The following KIF26B variants were observed in gnomAD, a reference collection of about 807,000 sequenced individuals.
KIF26B encodes the protein kinesin family member 26B, also known as kinesin-like protein KIF26B.
KIF26B carries 63 observed loss-of-function variants against 151.2 expected under a neutral mutation model. The ratio of observed to expected loss-of-function variants is 0.42; its 90% CI spans 0.34 to 0.51. KIF26B has a LOEUF of 0.51. Ranked by LOEUF, KIF26B falls within the 20% of genes least tolerant of loss-of-function variation. The probability of loss-of-function intolerance (pLI) is 0.07; values close to 1 mark genes in which losing one functional copy is unlikely to be tolerated. For missense variants in KIF26B, 2,813 were observed against 2,913.6 expected (o/e 0.97, Z 0.79); for synonymous variants, 1,357 against 1,262.1 (o/e 1.08, Z -1.59).
At chr1:245,410,102 G>A (rs1674238693) in intron 3 of KIF26B, among the ~76,000 whole-genome samples, 1 of 152,220 alleles carries the variant, frequency 6.6e-6, no homozygotes, top group African/African-American at 2.4e-5. Context: ...TAACCAAAGA[G>A]TTGGGTTTGT....
chr1:245,445,511 C>T (rs1659230443), intron 4 of KIF26B, among the ~76,000 whole-genome samples: 1 of 152,076 alleles, frequency 6.6e-6, no homozygotes, highest in Non-Finnish European at 1.5e-5. Context: ...TGCATGTGCG[C>T]ACGTGGGGGG....
In KIF26B at chr1:245,667,384, T is replaced by A. The variant is rs185223686; in HGVS notation, c.2259-16849T>A. Among the ~76,000 whole-genome samples, 187 of 152,096 alleles carry A rather than the reference T, an allele frequency of 1.2e-3. 1 individual carries two copies. Among genetic ancestry groups the A allele is most frequent in the African/African-American group, 4.3e-3 (179 of 41,482 alleles). ...AATAGAGATGGGGTTTCGCCATGTG[T>A]CCCAGGCTGGTCTCAAACTCCTGGA... is the stretch of plus-strand genomic sequence containing the variant. On this transcript the variant is annotated intron_variant, in intron 10 of 14. Transcript: ENST00000407071. The surrounding 1 kb of genome is among the most constrained non-coding windows in gnomAD (Gnocchi z 4.3).
intron 2 of KIF26B, among the ~76,000 whole-genome samples, chr1:245,276,275 C>T (rs1670936580): frequency 6.6e-6 from 1 of 151,960 alleles, no homozygotes; most frequent in African/African-American, 2.4e-5. Context: ...GCAGAGGTTG[C>T]AGTGAGTTGA....
At position 245,611,784 on chromosome 1, in the gene KIF26B, G is replaced by A; in HGVS notation, c.1915-9G>A. ...CCTGCAGCCTCATCTCTTGGCTTCT[G>A]TCTTCCAGCTGCAGAACCAGAGCGA... On this transcript the variant is annotated splice_polypyrimidine_tract_variant and intron_variant, in intron 8 of 14. Coordinates refer to ENST00000407071, the MANE Select transcript of KIF26B (RefSeq NM_018012.4). 6.2e-7 allele frequency: 1 copy of A among 1,612,594 alleles called. No individual in the cohort carries two copies. Among genetic ancestry groups the A allele is most frequent in the East Asian group, 2.2e-5 (1 of 44,854 alleles).
intron 3 of KIF26B, among the ~76,000 whole-genome samples, chr1:245,408,206 A>G (rs1674183668): frequency 6.6e-6 from 1 of 152,190 alleles, no homozygotes; most frequent in South Asian, 2.1e-4. Flanking sequence ...AAGTGAAATC[A>G]ATTACATCCA....
rs141089594 is a variant in KIF26B at position 245,289,684 on chromosome 1, T to G, written c.466-77150T>G. On this transcript the variant is annotated intron_variant, in intron 2 of 14. Transcript: ENST00000407071. ...GGGTGGAGGTGTGTTCAATTGAAAC[T>G]TTTGATGTGGTGATAGGATTCCCAA... Among the ~76,000 whole-genome samples the G allele has an allele frequency of 2.4e-3, 269 of 110,480 alleles. 1 individual carries two copies. The East Asian group carries it at 0.025, about 10-fold the overall frequency. The allele number at this position is 110,480 out of a possible 152,430, so 72.5% of individuals were successfully genotyped here. A position where few individuals can be genotyped will look rare whatever the true frequency, so the allele number is the denominator to read the frequency against.
chr1:245,196,648 T>G lies in KIF26B; in HGVS notation c.465+39965T>G, dbSNP rs1158760056. Among the ~76,000 whole-genome samples the G allele has an allele frequency of 2.0e-5, 3 of 152,298 alleles. No individual in the cohort carries two copies. The South Asian group carries it at 6.2e-4, about 32-fold the overall frequency. Reference sequence around the variant, plus strand: ...CTGCCATAGCCAAGCCAGACAGGTGTGGCTTAACGGACCTCAGAATTCTCC... The same window carrying G: ...CTGCCATAGCCAAGCCAGACAGGTGGGGCTTAACGGACCTCAGAATTCTCC... On this transcript the variant is annotated intron_variant, in intron 2 of 14. Transcript: ENST00000407071.
intron 2 of KIF26B, among the ~76,000 whole-genome samples, chr1:245,313,169 CA>C (rs1184013133): frequency 1.3e-5 from 2 of 152,016 alleles, no homozygotes; most frequent in African/African-American, 4.8e-5. Context: ...AAAAAACAAA[CA>C]AACAAACAAA....
intron 9 of KIF26B, among the ~76,000 whole-genome samples, chr1:245,613,189 T>C (rs182166896): frequency 2.6e-4 from 40 of 152,264 alleles, no homozygotes; most frequent in African/African-American, 9.1e-4. Context: ...AGACACTGGA[T>C]GCCAGAAAAA....
In KIF26B at chr1:245,540,683, G is replaced by T. The variant is rs779574341; in HGVS notation, c.1167-84G>T. 2.5e-6 allele frequency: 3 copies of T among 1,195,562 alleles called. No homozygotes were observed. The South Asian group carries it at 3.6e-5, about 14-fold the overall frequency. 74.1% of individuals were successfully genotyped at this position (1,195,562 alleles called of 1,614,324 possible). ...ATGATTAGGCCTCAGAAAGAACGAG[G>T]GGTTGTTTAAGAGAAAACGAAGTAA... On this transcript the variant is annotated intron_variant, in intron 4 of 14. Transcript: ENST00000407071. The surrounding 1 kb of genome is among the most constrained non-coding windows in gnomAD (Gnocchi z 4.6).
At chr1:245,197,239 C>T (rs1669212070) in intron 2 of KIF26B, among the ~76,000 whole-genome samples, 1 of 152,138 alleles carries the variant, frequency 6.6e-6, no homozygotes, top group African/African-American at 2.4e-5. Flanking sequence ...TCTTGTAATC[C>T]TCTTATAAAC....
In KIF26B at chr1:245,606,777, C is replaced by G. The variant is rs1267859830; in HGVS notation, c.1558-874C>G. On this transcript the variant is annotated intron_variant, in intron 6 of 14. Coordinates refer to ENST00000407071, the MANE Select transcript of KIF26B (RefSeq NM_018012.4). This position sits in a 1 kb window ranked among gnomAD's most constrained non-coding sequence, Gnocchi z 4.6. ...AAAAGGCAGGTTTTGAAAAGAGGAG[C>G]ATGGGACGGGCGCAGTGGCTCACGC... 6.6e-6 allele frequency among the ~76,000 whole-genome samples: 1 copy of G among 152,120 alleles called. No homozygotes were observed. Among genetic ancestry groups the G allele is most frequent in the Non-Finnish European group, 1.5e-5 (1 of 68,008 alleles).
chr1:245,578,634 G>A (rs750834311), intron 5 of KIF26B, among the ~76,000 whole-genome samples: 1 of 152,206 alleles, frequency 6.6e-6, no homozygotes, highest in Non-Finnish European at 1.5e-5. Flanking sequence ...CTTTCCTGCT[G>A]GGCCTAATTC....
intron 2 of KIF26B, among the ~76,000 whole-genome samples, chr1:245,256,514 G>C (rs1352269868): frequency 6.6e-6 from 1 of 152,196 alleles, no homozygotes; most frequent in Non-Finnish European, 1.5e-5. Flanking sequence ...GTGCTGCTCA[G>C]CCTTCCCCAC....
chr1:245,333,952 C>T (rs1672169483), intron 2 of KIF26B, among the ~76,000 whole-genome samples: 2 of 151,920 alleles, frequency 1.3e-5, no homozygotes, highest in African/African-American at 4.8e-5. Context: ...GAGCTGAGAT[C>T]CGCACCACTG....
intron 4 of KIF26B, among the ~76,000 whole-genome samples, chr1:245,453,853 C>T (rs1659452771): frequency 6.6e-6 from 1 of 152,118 alleles, no homozygotes; most frequent in African/African-American, 2.4e-5. Flanking sequence ...CTTCTAAATC[C>T]TGATATTAAA....
At chr1:245,524,069 C>T (rs977978178) in intron 4 of KIF26B, among the ~76,000 whole-genome samples, 1 of 152,016 alleles carries the variant, frequency 6.6e-6, no homozygotes, top group African/African-American at 2.4e-5. Flanking sequence ...ATATTGGGAA[C>T]CAGTTAGGAG....
intron 9 of KIF26B, among the ~76,000 whole-genome samples, chr1:245,629,683 G>C (rs2043759632): frequency 6.6e-6 from 1 of 152,120 alleles, no homozygotes; most frequent in African/African-American, 2.4e-5. Context: ...CATAGGCAGA[G>C]GCAAAGACTT....
At chr1:245,452,751 G>GA (rs1169218569) in intron 4 of KIF26B, among the ~76,000 whole-genome samples, 14 of 151,172 alleles carry the variant, frequency 9.3e-5, no homozygotes, top group Non-Finnish European at 1.5e-4. Context: ...ATCTTCTTTG[G>GA]AAAAAAAAGT....
Sources: allele counts gnomAD v4.1 joint callset (sites outside exome capture counted in the v4.1 genomes callset), GRCh38; gene constraint gnomAD v4.1.1; non-coding constraint Gnocchi (gnomAD v3.1); transcripts MANE v1.5; gene names NCBI Gene and HGNC (gene_info 2026-07-23, HGNC 2026-07-21).